The following LHX4 variants were observed in gnomAD, a reference collection of about 807,000 sequenced individuals.
LHX4 encodes the protein LIM/homeobox protein Lhx4.
A neutral mutation model predicts 39.2 loss-of-function variants in LHX4; 16 were observed. The observed-to-expected ratio is 0.41, with a 90% CI of 0.28 to 0.62. LHX4 has a LOEUF of 0.62. Ranked by LOEUF, LHX4 falls within the 20% of genes least tolerant of loss-of-function variation. The probability of loss-of-function intolerance (pLI) is 0.33; values close to 1 mark genes in which losing one functional copy is unlikely to be tolerated. For missense variants in LHX4, 439 were observed against 511.9 expected (o/e 0.86, Z 1.37); for synonymous variants, 206 against 198.1 (o/e 1.04, Z -0.33).
chr1:180,269,268 T>A (rs1648485839), intron 3 of LHX4, among the ~76,000 whole-genome samples: 1 of 152,118 alleles, frequency 6.6e-6, no homozygotes, highest in Admixed American at 6.6e-5. Flanking sequence ...TCTCCTAAAT[T>A]AACAGCCCAG....
At chr1:180,247,614 C>A (rs183142348) in intron 1 of LHX4, among the ~76,000 whole-genome samples, 70 of 152,326 alleles carry the variant, frequency 4.6e-4, no homozygotes, top group Non-Finnish European at 7.8e-4. Context: ...ATGTGAGCCG[C>A]TAGGGCATCT....
At chr1:180,250,727 A>G (rs1647593436) in intron 2 of LHX4, among the ~76,000 whole-genome samples, 1 of 151,996 alleles carries the variant, frequency 6.6e-6, no homozygotes, top group Admixed American at 6.5e-5. Context: ...GCCCTGTCTG[A>G]TTTTTGGACC....
chr1:180,269,244 C>T (rs1245851251), intron 3 of LHX4, among the ~76,000 whole-genome samples: 2 of 152,012 alleles, frequency 1.3e-5, no homozygotes, highest in African/African-American at 4.8e-5. Context: ...TCTTGAATAC[C>T]TTGCAGAACG....
intron 2 of LHX4, among the ~76,000 whole-genome samples, chr1:180,263,121 C>A (rs532826039): frequency 1.2e-4 from 18 of 152,326 alleles, no homozygotes; most frequent in African/African-American, 3.6e-4. Context: ...TGGGAGCCCT[C>A]TTCCTTGGCT....
intron 1 of LHX4, among the ~76,000 whole-genome samples, chr1:180,233,247 T>A (rs1333804559): frequency 2.0e-5 from 3 of 152,252 alleles, no homozygotes; most frequent in Non-Finnish European, 4.4e-5. Flanking sequence ...GGCCTCTTCC[T>A]CGCCACTCTG....
Position 180,266,495 on chromosome 1 carries a change from A to C in LHX4, c.352A>C (p.Ile118Leu). The change falls in exon 3 of 6, where the codon ATC becomes CTC. Residue 118 changes from isoleucine (I) to leucine (L), a missense_variant. Ile to Leu is a conservative substitution (Grantham distance 5). Coordinates refer to ENST00000263726, the MANE Select transcript of LHX4 (RefSeq NM_033343.4). This position sits in a 1 kb window ranked among gnomAD's most constrained non-coding sequence, Gnocchi z 5.7. ...CTACCACCTGCACTGCTTTGCTTGC[A>C]TCATCTGCAACCGGCAGCTGGCCAC... ...FVYHLHCFAC[I>L]ICNRQLATGD... is the part of the protein sequence containing the mutation. The C allele has an allele frequency of 1.2e-6, 2 of 1,614,204 alleles. No homozygotes were observed. The highest frequency in any genetic ancestry group is 1.3e-5 in the African/African-American group (1 of 75,060).
intron 2 of LHX4, among the ~76,000 whole-genome samples, chr1:180,250,770 G>A (rs1362500861): frequency 3.3e-5 from 5 of 152,228 alleles, no homozygotes. Flanking sequence ...GAAAGAGAGG[G>A]TGGAGAGGAA....
intron 5 of LHX4, 50 bp downstream of exon 5, chr1:180,272,056 G>A (rs1377058608): frequency 1.3e-6 from 2 of 1,548,138 alleles, no homozygotes; most frequent in African/African-American, 1.4e-5. Context: ...AGTCCCCTGG[G>A]AATCTGTAAT....
chr1:180,262,281 G>GAAA (rs34979970), intron 2 of LHX4, among the ~76,000 whole-genome samples: 13,484 of 132,296 alleles, frequency 0.1, 826 homozygotes, highest in Middle Eastern at 0.15. Context: ...ACTTTGAAAG[G>GAAA]AAAAAAAAAA....
intron 2 of LHX4, among the ~76,000 whole-genome samples, chr1:180,260,252 G>A (rs1036878089): frequency 2.0e-5 from 3 of 151,846 alleles, no homozygotes. Flanking sequence ...TATTACCAGC[G>A]TCTCAGTGAC....
intron 1 of LHX4, among the ~76,000 whole-genome samples, chr1:180,240,640 G>C (rs1055737295): frequency 3.9e-5 from 6 of 152,166 alleles, no homozygotes; most frequent in Admixed American, 3.9e-4. Flanking sequence ...CTGGTTCCTT[G>C]AGAGCAGTTT....
rs1042822283 is a variant in LHX4, at chr1:180,230,351, C to T, written c.-179C>T. The stretch of plus-strand genomic sequence containing the variant: ...GGACTGGAAACAGACTGGGGACTGG[C>T]GGGGGGAGGGGGCCGGCCAGCCTGT... On this transcript the variant is annotated 5_prime_UTR_variant, in exon 1 of 6. Transcript: ENST00000263726. The surrounding 1 kb of genome is among the most constrained non-coding windows in gnomAD (Gnocchi z 5.8). 2 of 644,496 alleles carry T rather than the reference C, an allele frequency of 3.1e-6. No individual in the cohort carries two copies. Among genetic ancestry groups the T allele is most frequent in the Middle Eastern group, 4.1e-4 (1 of 2,456 alleles). The allele number at this position is 644,496 out of a possible 1,614,324, so 39.9% of individuals were successfully genotyped here.
At chr1:180,243,793 A>G (rs1019282579) in intron 1 of LHX4, among the ~76,000 whole-genome samples, 1 of 151,984 alleles carries the variant, frequency 6.6e-6, no homozygotes, top group African/African-American at 2.4e-5. Context: ...CCATTTACCC[A>G]GCTGTTAGGG....
intron 2 of LHX4, among the ~76,000 whole-genome samples, chr1:180,253,421 C>A (rs1647707272): frequency 6.6e-6 from 1 of 152,206 alleles, no homozygotes; most frequent in Admixed American, 6.5e-5. Context: ...CAGCTGGGTG[C>A]CCCTAGGCAA....
Position 180,248,521 on chromosome 1 carries a change from G to A in LHX4, c.248+65G>A, listed in dbSNP as rs35619850. 0.063 allele frequency: 99,153 copies of A among 1,574,254 alleles called. 3,642 individuals carry two copies. The highest frequency in any genetic ancestry group is 0.073 in the Non-Finnish European group (83,337 of 1,147,734). On this transcript the variant is annotated intron_variant, in intron 2 of 5. Coordinates refer to ENST00000263726, the MANE Select transcript of LHX4 (RefSeq NM_033343.4). ...CTGCCTCTCCCCAAGCAGTGAGGGG[G>A]AAGTTTGCAGCAGGGTAGGCCAGGG...
At chr1:180,257,662 T>C (rs1459447326) in intron 2 of LHX4, among the ~76,000 whole-genome samples, 2 of 152,146 alleles carry the variant, frequency 1.3e-5, no homozygotes, top group South Asian at 2.1e-4. Context: ...AAGAAATACA[T>C]GTAGGGAAGT....
rs1016674853 is a variant in LHX4 at position 180,234,840 on chromosome 1, C to A, written c.76+4235C>A. On this transcript the variant is annotated intron_variant, in intron 1 of 5. Transcript: ENST00000263726. This position sits in a 1 kb window ranked among gnomAD's most constrained non-coding sequence, Gnocchi z 4.8. ...GCTACGCAGGGCTGAGCAGGAGTGG[C>A]GTCCTAGGGTCTGGGAGCGCGACCC... Among the ~76,000 whole-genome samples, 4 of 152,350 alleles carry A rather than the reference C, an allele frequency of 2.6e-5. No homozygotes were observed. The highest frequency in any genetic ancestry group is 9.6e-5 in the African/African-American group (4 of 41,582).
intron 2 of LHX4, among the ~76,000 whole-genome samples, chr1:180,257,400 T>G (rs75749074): frequency 6.6e-6 from 1 of 152,146 alleles, no homozygotes; most frequent in African/African-American, 2.4e-5. Context: ...GGGAGGTATA[T>G]GTGTGAATGT....
At chr1:180,260,914 C>T (rs759920586) in intron 2 of LHX4, among the ~76,000 whole-genome samples, 2 of 151,786 alleles carry the variant, frequency 1.3e-5, no homozygotes, top group East Asian at 3.8e-4. Flanking sequence ...AGCTAGGGGT[C>T]GGCACCTCAC....
Sources: allele counts gnomAD v4.1 joint callset (sites outside exome capture counted in the v4.1 genomes callset), GRCh38; gene constraint gnomAD v4.1.1; non-coding constraint Gnocchi (gnomAD v3.1); transcripts MANE v1.5; gene names NCBI Gene and HGNC (gene_info 2026-07-23, HGNC 2026-07-21).